USH2A: variants seen among roughly 807,000 people sequenced by gnomAD.
USH2A encodes usherin.
Under a neutral mutation model 538.9 loss-of-function variants are expected in USH2A, and 443 were observed. The ratio of observed to expected loss-of-function variants is 0.82; its 90% confidence interval spans 0.76 to 0.89. The LOEUF (loss-of-function observed/expected upper bound fraction) is 0.89, where lower values mean the gene tolerates loss of function less well. Among genes scored for constraint, USH2A ranks in the 40% least tolerant of loss-of-function variants. USH2A has a pLI of 0.00. For synonymous variants in USH2A, 2,413 were observed against 2,273.5 expected (o/e 1.06, Z -1.75); for missense variants, 6,633 against 6,324.8 (o/e 1.05, Z -1.65).
intron 31 of USH2A, 144 bp downstream of exon 31, chr1:216,048,390 T>C (rs2030610614): frequency 2.5e-6 from 2 of 802,120 alleles, no homozygotes; most frequent in African/African-American, 3.4e-5. Flanking sequence ...CCCCAAAAAA[T>C]GGAGCAATTA....
At position 215,674,417 on chromosome 1, in the gene USH2A, A is replaced by T; in HGVS notation, c.13494T>A (p.Thr4498=). The change falls in exon 63 of 72, where the codon ACT becomes ACA. Residue 4498 remains threonine, a synonymous_variant. Transcript: ENST00000307340. ...AGCTATACTCCACACCTGGGGTGAG[A>T]GTAAAATCACGATAGCGTGTTTCCA... The part of the protein sequence containing the change: ...TGLETRYRDF[T]LTPGVEYSYT... 1 of 1,614,110 alleles carries T rather than the reference A, an allele frequency of 6.2e-7. No individual in the cohort carries two copies. The highest frequency in any genetic ancestry group is 8.5e-7 in the Non-Finnish European group (1 of 1,180,012).
At chr1:216,027,484 A>C (rs1325098009) in intron 32 of USH2A, among the ~76,000 whole-genome samples, 1 of 152,178 alleles carries the variant, frequency 6.6e-6, no homozygotes, top group Non-Finnish European at 1.5e-5. Flanking sequence ...CATTCCTGTG[A>C]GTGGATTAGA....
At chr1:215,869,679 C>T (rs1664573186) in intron 43 of USH2A, among the ~76,000 whole-genome samples, 1 of 152,152 alleles carries the variant, frequency 6.6e-6, no homozygotes, top group Admixed American at 6.5e-5. Flanking sequence ...GATACCTAGC[C>T]TCCTCTCCTA....
chr1:216,091,418 G>T (rs950454037), intron 22 of USH2A, among the ~76,000 whole-genome samples: 8 of 152,140 alleles, frequency 5.3e-5, no homozygotes, highest in Admixed American at 3.9e-4. Flanking sequence ...ATTAAGTGAA[G>T]AATGGGAAAA....
chr1:216,402,690 A>T (rs2102762272), intron 3 of USH2A, among the ~76,000 whole-genome samples: 1 of 152,282 alleles, frequency 6.6e-6, no homozygotes, highest in South Asian at 2.1e-4. Context: ...GTGTTAATGG[A>T]CCATTTATCT....
At chr1:216,271,974 T>C (rs1186834554) in intron 11 of USH2A, among the ~76,000 whole-genome samples, 1 of 152,130 alleles carries the variant, frequency 6.6e-6, no homozygotes, top group Non-Finnish European at 1.5e-5. Context: ...GGCTTTTCTT[T>C]TAGTGCTTTG....
chr1:215,951,118 C>T (rs887521228), intron 37 of USH2A, among the ~76,000 whole-genome samples: 16 of 152,172 alleles, frequency 1.1e-4, no homozygotes, highest in Non-Finnish European at 2.2e-4. Flanking sequence ...TTTGCTCTTG[C>T]TTCTCTAGTT....
chr1:216,264,542 T>A lies in USH2A; in HGVS notation c.1972-13444A>T, dbSNP rs139662374. Among the ~76,000 whole-genome samples, 647 of 152,070 alleles carry A rather than the reference T, an allele frequency of 4.3e-3. 2 individuals are homozygous for A. Among genetic ancestry groups the A allele is most frequent in the African/African-American group, 0.015 (606 of 41,502 alleles). On this transcript the variant is annotated intron_variant, in intron 11 of 71. Transcript: ENST00000307340. ...CGAACTCCTGACTTCAAGTGATCTG[T>A]CCAACTCAGCCTCCCAAAGTGCTGG...
intron 44 of USH2A, 119 bp downstream of exon 44, chr1:215,866,888 A>G: frequency 1.4e-6 from 2 of 1,415,326 alleles, no homozygotes; most frequent in Non-Finnish European, 2.0e-6. Flanking sequence ...ATTGGTAAAA[A>G]TTTACCAGTA....
intron 17 of USH2A, 128 bp downstream of exon 17, chr1:216,199,499 T>G: frequency 1.5e-6 from 2 of 1,368,084 alleles, no homozygotes; most frequent in Non-Finnish European, 2.1e-6. Flanking sequence ...CTTTAGAAAC[T>G]GTTTCTCAAT....
rs148367425 is a variant in USH2A at position 215,670,685 on chromosome 1, G to A, written c.14133+287C>T. Among the ~76,000 whole-genome samples, 279 of 152,206 alleles carry A rather than the reference G, an allele frequency of 1.8e-3. 2 individuals are homozygous for A. The highest frequency in any genetic ancestry group is 3.4e-3 in the Middle Eastern group (1 of 294). The stretch of plus-strand genomic sequence containing the variant: ...CTCCTACCAAGGCAACGCTGACAGA[G>A]GGAATCTTAATGGCAGAAACCACTT... On this transcript the variant is annotated intron_variant, in intron 64 of 71. Coordinates refer to ENST00000307340, the MANE Select transcript of USH2A (RefSeq NM_206933.4).
At chr1:215,649,177 A>G (rs528582381) in intron 65 of USH2A, among the ~76,000 whole-genome samples, 2 of 152,352 alleles carry the variant, frequency 1.3e-5, no homozygotes, top group East Asian at 1.9e-4. Context: ...ACCAAGGTCC[A>G]TATTCTGCCA....
chr1:215,815,471 C>T (rs1160640454), intron 48 of USH2A, among the ~76,000 whole-genome samples: 2 of 150,932 alleles, frequency 1.3e-5, no homozygotes, highest in African/African-American at 4.9e-5. Context: ...ATTAAACTAA[C>T]CGGTTCTTTG....
In USH2A at chr1:215,743,244, T is replaced by C. The variant is rs953570115; in HGVS notation, c.11481A>G (p.Gln3827=). Reference sequence around the variant, plus strand: ...GAGTCAAATTTTCCAGAAGGGTGGATTGATGATGACCAACGGAGAAGGCCA... The same window carrying C: ...GAGTCAAATTTTCCAGAAGGGTGGACTGATGATGACCAACGGAGAAGGCCA... ...TPLAFSVGHH[Q]STLLENLTPF... is the part of the protein sequence containing the mutation. The change falls in exon 59 of 72, where the codon CAA becomes CAG. Residue 3827 remains glutamine (Q), a synonymous_variant. Coordinates refer to ENST00000307340, the MANE Select transcript of USH2A (RefSeq NM_206933.4). 6 of 1,612,498 alleles carry C rather than the reference T, an allele frequency of 3.7e-6. No individual in the cohort carries two copies. Among genetic ancestry groups the C allele is most frequent in the East Asian group, 2.2e-5 (1 of 44,754 alleles).
chr1:216,140,098 A>G (rs952170385), intron 21 of USH2A, among the ~76,000 whole-genome samples: 1 of 152,238 alleles, frequency 6.6e-6, no homozygotes, highest in African/African-American at 2.4e-5. Flanking sequence ...AAATGTGGCT[A>G]AAGACAATTT....
At chr1:216,352,819 T>C (rs2038312174) in intron 4 of USH2A, among the ~76,000 whole-genome samples, 1 of 152,150 alleles carries the variant, frequency 6.6e-6, no homozygotes, top group Non-Finnish European at 1.5e-5. Context: ...ATAGAAGCTC[T>C]TTTATTCTTT....
chr1:216,135,017 G>T (rs956273979), intron 21 of USH2A, among the ~76,000 whole-genome samples: 13 of 152,064 alleles, frequency 8.5e-5, no homozygotes, highest in African/African-American at 1.4e-4. Flanking sequence ...CAGAATAGCT[G>T]TAGTTGATTC....
At chr1:216,363,817 G>T (rs1211783327) in intron 4 of USH2A, among the ~76,000 whole-genome samples, 1 of 151,798 alleles carries the variant, frequency 6.6e-6, no homozygotes, top group Non-Finnish European at 1.5e-5. Flanking sequence ...TATAACATTT[G>T]AAGGAGAAGT....
intron 12 of USH2A, among the ~76,000 whole-genome samples, chr1:216,249,785 A>T (rs1039022059): frequency 2.6e-5 from 4 of 152,114 alleles, no homozygotes; most frequent in Non-Finnish European, 4.4e-5. Context: ...AAGATAAAGA[A>T]TTAGATTTAG....
Sources: allele counts gnomAD v4.1 joint callset (sites outside exome capture counted in the v4.1 genomes callset), GRCh38; gene constraint gnomAD v4.1.1; transcripts MANE v1.5; gene names NCBI Gene and HGNC (gene_info 2026-07-23, HGNC 2026-07-21).